Variants in PFKFB3 observed in about 807,000 individuals in gnomAD.
PFKFB3 encodes the protein 6-phosphofructo-2-kinase/fructose-2,6-biphosphatase 3, also known as 6-phosphofructo-2-kinase/fructose-2,6-bisphosphatase 3.
In PFKFB3, 33 loss-of-function variants were observed where a neutral mutation model predicts 68.0. The ratio of observed to expected loss-of-function variants is 0.49; its 90% CI spans 0.37 to 0.65. The LOEUF (loss-of-function observed/expected upper bound fraction) is 0.65. Ranked by LOEUF, PFKFB3 falls within the 30% of genes least tolerant of loss-of-function variation. PFKFB3 has a pLI of 0.00. For missense variants in PFKFB3, 586 were observed against 712.2 expected (o/e 0.82, Z 2.02); for synonymous variants, 315 against 288.2 (o/e 1.09, Z -0.94).
chr10:6,267,618 G>A, the PFKFB3 span, among the ~76,000 whole-genome samples: 2 of 152,106 alleles, frequency 1.3e-5, no homozygotes, highest in East Asian at 3.9e-4. Context: ...TGAATTCCCA[G>A]CCATCAAGGC....
chr10:6,286,457 A>C, the PFKFB3 span, among the ~76,000 whole-genome samples: 4 of 152,026 alleles, frequency 2.6e-5, no homozygotes, highest in African/African-American at 9.7e-5. Flanking sequence ...AGCTCACTGC[A>C]ACCTCTGCCT....
the PFKFB3 span, chr10:6,293,784 A>G: frequency 2.7e-6 from 1 of 374,928 alleles, no homozygotes; most frequent in South Asian, 2.6e-5. Context: ...TGTGCACTTT[A>G]TCTGAGCTCC....
intron 13 of PFKFB3, 196 bp downstream of exon 13, chr10:6,224,409 C>A: frequency 1.6e-6 from 1 of 629,408 alleles, no homozygotes; most frequent in Admixed American, 2.6e-5. Flanking sequence ...TTCTCATTTT[C>A]TTTCTTCCTG....
chr10:6,288,178 TC>T, the PFKFB3 span, among the ~76,000 whole-genome samples: 2 of 151,548 alleles, frequency 1.3e-5, no homozygotes, highest in African/African-American at 2.4e-5. Context: ...TTTTTTTCTT[TC>T]GTCTGGCTTC....
chr10:6,293,279 ATGT>A, the PFKFB3 span: 13 of 413,746 alleles, frequency 3.1e-5, no homozygotes, highest in African/African-American at 2.3e-4. Context: ...GATTTCACAG[ATGT>A]TGTGTTCTGT....
At chr10:6,323,944 C>T in the PFKFB3 span, among the ~76,000 whole-genome samples, 1 of 152,144 alleles carries the variant, frequency 6.6e-6, no homozygotes, top group Admixed American at 6.5e-5. Context: ...GACATGAACA[C>T]CAGTGTTCAT....
At chr10:6,152,626 C>T (rs757832490) in intron 1 of PFKFB3, among the ~76,000 whole-genome samples, 17 of 152,206 alleles carry the variant, frequency 1.1e-4, no homozygotes, top group Non-Finnish European at 2.5e-4. Flanking sequence ...CCTGCAGCCC[C>T]AGCTACTTGG....
intron 1 of PFKFB3, among the ~76,000 whole-genome samples, chr10:6,166,098 G>C (rs1842130085): frequency 6.6e-6 from 1 of 151,556 alleles, no homozygotes. Flanking sequence ...TCCTGCTTCA[G>C]CCTCCCCAGT....
At chr10:6,183,054 A>G (rs1220513068) in intron 1 of PFKFB3, among the ~76,000 whole-genome samples, 2 of 152,146 alleles carry the variant, frequency 1.3e-5, no homozygotes, top group Admixed American at 1.3e-4. Flanking sequence ...CCCCAAACCT[A>G]GGAGACTTGG....
intron 5 of PFKFB3, 45 bp downstream of exon 5, chr10:6,216,825 GA>G (rs761668934): frequency 1.4e-6 from 2 of 1,446,384 alleles, no homozygotes; most frequent in Non-Finnish European, 1.9e-6. Flanking sequence ...CGGGAGAGAG[GA>G]AAAGGCTTCA....
chr10:6,178,595 G>C lies in PFKFB3; in HGVS notation c.16+33582G>C, dbSNP rs560336028. 3.2e-3 allele frequency among the ~76,000 whole-genome samples: 484 copies of C among 152,280 alleles called. 2 individuals are homozygous for C. Among genetic ancestry groups the C allele is most frequent in the Non-Finnish European group, 3.3e-3 (222 of 68,020 alleles). On this transcript the variant is annotated intron_variant, in intron 1 of 14. Coordinates refer to the PFKFB3 transcript ENST00000379789. Reference sequence around the variant, plus strand: ...CGGGATGGACAGAGTCCGCCCCACGGGTCCCTCCTGCCCTCCCTCGGTGCC... The same window carrying C: ...CGGGATGGACAGAGTCCGCCCCACGCGTCCCTCCTGCCCTCCCTCGGTGCC...
chr10:6,221,309 C>T, intron 8 of PFKFB3, 72 bp from the exon 9 acceptor site: 8 of 1,572,532 alleles, frequency 5.1e-6, no homozygotes, highest in Non-Finnish European at 6.9e-6. Flanking sequence ...ACGTGGGCTG[C>T]CTGCTCCAGC....
downstream of PFKFB3, among the ~76,000 whole-genome samples, chr10:6,238,477 C>CAA (rs71390201): frequency 0.018 from 1,577 of 89,052 alleles, 91 homozygotes; most frequent in African/African-American, 0.027. Flanking sequence ...GGTGCCATCT[C>CAA]AAAAAAAAAA....
At chr10:6,313,238 A>G in the PFKFB3 span, among the ~76,000 whole-genome samples, 1 of 152,242 alleles carries the variant, frequency 6.6e-6, no homozygotes, top group African/African-American at 2.4e-5. This position sits in a 1 kb window ranked among gnomAD's most constrained non-coding sequence, Gnocchi z 4.2. Flanking sequence ...ATTGCCATTT[A>G]CTGCTAATTT....
At chr10:6,277,235 T>C in the PFKFB3 span, among the ~76,000 whole-genome samples, 1 of 151,148 alleles carries the variant, frequency 6.6e-6, no homozygotes, top group Non-Finnish European at 1.5e-5. Flanking sequence ...TCTTTTTCTT[T>C]TCTTTTCTTT....
chr10:6,257,521 G>A (rs969188195), downstream of PFKFB3, among the ~76,000 whole-genome samples: 6 of 152,212 alleles, frequency 3.9e-5, no homozygotes, highest in Non-Finnish European at 7.3e-5. Context: ...GAGTGGCCAG[G>A]ATGGAGGGCA....
At position 6,216,243 on chromosome 10, in the gene PFKFB3, G is replaced by A. The variant is rs552664159; in HGVS notation, c.366+52G>A. ...GGTGTCCAGTCCCACCCATGAGGGT[G>A]TCCTCACCGGCCTGGGGTGTACCGA... On this transcript the variant is annotated intron_variant, in intron 4 of 14. Transcript: ENST00000379775. The A allele has an allele frequency of 1.4e-5, 21 of 1,516,350 alleles. No homozygotes were observed. In the South Asian group the frequency reaches 2.2e-4, roughly 16 times the overall value. 93.9% of individuals were successfully genotyped at this position (1,516,350 alleles called of 1,614,324 possible). A position where few individuals can be genotyped will look rare whatever the true frequency, so the allele number is the denominator to read the frequency against.
the PFKFB3 span, among the ~76,000 whole-genome samples, chr10:6,282,558 G>A: frequency 2.0e-5 from 3 of 152,162 alleles, no homozygotes; most frequent in Non-Finnish European, 4.4e-5. Flanking sequence ...CATCCAATGG[G>A]CCAGGCTACC....
chr10:6,153,635 G>C (rs1169735929), intron 1 of PFKFB3, among the ~76,000 whole-genome samples: 1 of 152,116 alleles, frequency 6.6e-6, no homozygotes, highest in African/African-American at 2.4e-5. Flanking sequence ...AGGCGGATCA[G>C]TTGGGGTCAG....
Sources: gnomAD v4.1 joint callset for allele counts (sites outside exome capture counted in the v4.1 genomes callset) on GRCh38, gnomAD v4.1.1 for gene constraint, Gnocchi (gnomAD v3.1) non-coding constraint, MANE v1.5 for transcripts, NCBI Gene and HGNC (gene_info 2026-07-23, HGNC 2026-07-21) for gene names.